Variants in MFAP1 observed in about 807,000 individuals in gnomAD.
MFAP1 encodes the protein microfibrillar-associated protein 1.
MFAP1 carries 18 observed loss-of-function variants against 62.2 expected under a neutral mutation model. The ratio of observed to expected loss-of-function variants is 0.29; its 90% CI spans 0.20 to 0.43. The LOEUF is 0.43. Among genes scored for constraint, MFAP1 ranks in the 20% least tolerant of loss-of-function variants. The pLI is 1.00. For missense variants in MFAP1, 355 were observed against 559.7 expected (o/e 0.63, Z 3.69); for synonymous variants, 175 against 180.4 (o/e 0.97, Z 0.24).
intron 2 of MFAP1, among the ~76,000 whole-genome samples, chr15:43,815,675 C>T (rs1461209314): frequency 1.3e-5 from 2 of 152,010 alleles, no homozygotes; most frequent in Non-Finnish European, 1.5e-5. Context: ...CTCTGTCACC[C>T]AGGCTGAAGT....
chr15:43,818,405 A>G (rs1431669308), intron 1 of MFAP1, among the ~76,000 whole-genome samples: 1 of 152,086 alleles, frequency 6.6e-6, no homozygotes, highest in Non-Finnish European at 1.5e-5. Context: ...CAAATTGGAC[A>G]GTTCAAAGGA....
At chr15:43,821,644 C>T (rs1422237116) in intron 1 of MFAP1, among the ~76,000 whole-genome samples, 2 of 152,014 alleles carry the variant, frequency 1.3e-5, no homozygotes, top group Non-Finnish European at 2.9e-5. Flanking sequence ...AAAATTAGAC[C>T]TCTAACTTCC....
rs1455068988 is a variant in MFAP1, at chr15:43,817,377, C to T, written c.151G>A (p.Glu51Lys). ...SGKRPDYAPMESSDEEDEEFQ... is the reference protein window; with the variant it reads ...SGKRPDYAPMKSSDEEDEEFQ... ...TCTTCATCCTCCTCATCTGAGGACT[C>T]CATAGGGGCATAGTCTGGCCTTTTT... The change falls in exon 2 of 9, where the codon GAG becomes AAG. Residue 51 changes from glutamate (E) to lysine (K), a missense_variant. Physicochemically the swap from Glu to Lys is moderately conservative, Grantham distance 56 (BLOSUM62 1). Around this residue, in one of 6 missense-constraint regions of MFAP1, gnomAD observed 257 missense variants for 341.3 expected, o/e 0.75. Transcript: ENST00000267812. 1 of 1,614,108 alleles carries T rather than the reference C, an allele frequency of 6.2e-7. No homozygotes were observed. Among genetic ancestry groups the T allele is most frequent in the Admixed American group, 1.7e-5 (1 of 60,008 alleles).
At chr15:43,806,364 A>G (rs910407200) in intron 7 of MFAP1, among the ~76,000 whole-genome samples, 5 of 152,182 alleles carry the variant, frequency 3.3e-5, no homozygotes, top group African/African-American at 7.2e-5. Context: ...CTTTTCTGTT[A>G]GTAGGACCAG....
At chr15:43,807,393 G>A (rs989375235) in intron 7 of MFAP1, among the ~76,000 whole-genome samples, 3 of 150,236 alleles carry the variant, frequency 2.0e-5, no homozygotes, top group Admixed American at 6.6e-5. Context: ...CTGTCGCCCA[G>A]GCTAGAGTGC....
Position 43,817,250 on chromosome 15 carries a change from A to G in MFAP1, c.278T>C (p.Ile93Thr). The change falls in exon 2 of 9, where the codon ATT becomes ACT. Residue 93 changes from isoleucine (I) to threonine (T), a missense_variant. Coordinates refer to ENST00000267812, the MANE Select transcript of MFAP1 (RefSeq NM_005926.3). ...TTACCTCTCTTCCACATCTTCACTA[A>G]TACGGTTCTGTAAACGCCGTAGCCG... Reference protein sequence around the residue: ...DPRLRRLQNRISEDVEERLAR... With the variant: ...DPRLRRLQNRTSEDVEERLAR... The G allele has an allele frequency of 1.2e-6, 2 of 1,613,808 alleles. No individual in the cohort carries two copies. Among genetic ancestry groups the G allele is most frequent in the Non-Finnish European group, 1.7e-6 (2 of 1,180,022 alleles).
At position 43,814,514 on chromosome 15, in the gene MFAP1, C is replaced by G; in HGVS notation, c.604G>C (p.Val202Leu). ...TGAGATACTTACTTTCGAATGAAGA[C>G]TGGCTTAAGGCGAGGCTCCATCTCA... is the stretch of plus-strand genomic sequence containing the variant. The part of the protein sequence containing the change: ...EDEMEPRLKP[V>L]FIRKKDRVTV... The change falls in exon 4 of 9, where the codon GTC becomes CTC. Residue 202 changes from valine to leucine, a missense_variant. Physicochemically the swap from Val to Leu is conservative, Grantham distance 32. Coordinates refer to ENST00000267812, the MANE Select transcript of MFAP1 (RefSeq NM_005926.3). 6.2e-7 allele frequency: 1 copy of G among 1,607,964 alleles called. No individual in the cohort carries two copies. The highest frequency in any genetic ancestry group is 1.7e-5 in the Admixed American group (1 of 59,010).
chr15:43,814,443 CT>C, intron 4 of MFAP1, 57 bp downstream of exon 4: 1 of 1,517,914 alleles, frequency 6.6e-7, no homozygotes, highest in Non-Finnish European at 8.8e-7. Context: ...AGACTTTTGT[CT>C]CCAGGCCTGG....
At chr15:43,808,764 G>A (rs1417339082) in intron 7 of MFAP1, among the ~76,000 whole-genome samples, 1 of 152,246 alleles carries the variant, frequency 6.6e-6, no homozygotes, top group Non-Finnish European at 1.5e-5. Flanking sequence ...AACAGCATCT[G>A]CAGTGAAAGG....
chr15:43,821,319 T>C (rs940053250), intron 1 of MFAP1, among the ~76,000 whole-genome samples: 15 of 152,134 alleles, frequency 9.9e-5, no homozygotes, highest in African/African-American at 2.7e-4. Context: ...AATTAACCTA[T>C]AAATGTATAA....
intron 4 of MFAP1, 63 bp from the exon 5 acceptor site, chr15:43,813,420 G>A: frequency 1.4e-6 from 2 of 1,442,156 alleles, no homozygotes; most frequent in Non-Finnish European, 1.9e-6. Flanking sequence ...TGTTCCCCTA[G>A]ACCTAGTCCC....
chr15:43,814,757 A>T, intron 3 of MFAP1, 69 bp from the exon 4 acceptor site: 1 of 1,541,240 alleles, frequency 6.5e-7, no homozygotes, highest in Non-Finnish European at 8.8e-7. Flanking sequence ...CATCAAACAC[A>T]ACAAATTCAA....
chr15:43,817,248 T>C lies in MFAP1; in HGVS notation c.280A>G (p.Ser94Gly). ...PRLRRLQNRI[S>G]EDVEERLARH... Reference sequence around the variant, plus strand: ...CATTACCTCTCTTCCACATCTTCACTAATACGGTTCTGTAAACGCCGTAGC... The same window carrying C: ...CATTACCTCTCTTCCACATCTTCACCAATACGGTTCTGTAAACGCCGTAGC... Residue 94 changes from serine to glycine, a missense_variant, in exon 2 of 9, where the codon AGT becomes GGT. Ser to Gly is a moderately conservative substitution (Grantham distance 56, BLOSUM62 0). Transcript: ENST00000267812. 1 of 1,613,796 alleles carries C rather than the reference T, an allele frequency of 6.2e-7. No homozygotes were observed. Among genetic ancestry groups the C allele is most frequent in the Non-Finnish European group, 8.5e-7 (1 of 1,180,018 alleles).
chr15:43,817,587 A>G (rs943403003), intron 1 of MFAP1, 139 bp from the exon 2 acceptor site: 2 of 808,294 alleles, frequency 2.5e-6, no homozygotes, highest in East Asian at 2.7e-5. Flanking sequence ...CTACCCAACC[A>G]TCTACTCTTC....
chr15:43,820,769 C>T (rs536605671), intron 1 of MFAP1, among the ~76,000 whole-genome samples: 2 of 152,106 alleles, frequency 1.3e-5, no homozygotes, highest in Non-Finnish European at 2.9e-5. Context: ...CCATGCCGGT[C>T]TAATTTTTAA....
Position 43,804,829 on chromosome 15 carries a change from C to T in MFAP1, c.*265G>A, listed in dbSNP as rs543892939. ...CCCAAGTAAATATGGGAAACCATAG[C>T]AGTGATAAAACCTAAGATTTCTCAG... On this transcript the variant is annotated 3_prime_UTR_variant, in exon 9 of 9. Transcript: ENST00000267812. The T allele has an allele frequency of 2.9e-6, 1 of 340,874 alleles. No homozygotes were observed. Among genetic ancestry groups the T allele is most frequent in the East Asian group, 4.5e-5 (1 of 22,032 alleles). 21.1% of individuals were successfully genotyped at this position (340,874 alleles called of 1,614,324 possible). A position where few individuals can be genotyped will look rare whatever the true frequency, so the allele number is the denominator to read the frequency against.
At chr15:43,819,972 C>T (rs1019896315) in intron 1 of MFAP1, among the ~76,000 whole-genome samples, 3 of 152,108 alleles carry the variant, frequency 2.0e-5, no homozygotes, top group Non-Finnish European at 4.4e-5. Flanking sequence ...ACAGTGAAAC[C>T]CCATCTCCAC....
At chr15:43,818,299 G>A (rs1288505813) in intron 1 of MFAP1, among the ~76,000 whole-genome samples, 2 of 151,968 alleles carry the variant, frequency 1.3e-5, no homozygotes, top group South Asian at 2.1e-4. Flanking sequence ...GATTACAGGC[G>A]TGAGCCACAG....
chr15:43,809,314 C>T (rs1360649496), intron 7 of MFAP1, among the ~76,000 whole-genome samples: 3 of 132,712 alleles, frequency 2.3e-5, no homozygotes, highest in Admixed American at 8.3e-5. Context: ...CTGGTCTTTA[C>T]GAAAAATTAA....
Sources: allele counts gnomAD v4.1 joint callset (sites outside exome capture counted in the v4.1 genomes callset), GRCh38; gene constraint gnomAD v4.1.1; regional missense constraint gnomAD v4.1.1; transcripts MANE v1.5; gene names NCBI Gene and HGNC (gene_info 2026-07-23, HGNC 2026-07-21).